The following PCDHGA7 variants were observed in gnomAD, a reference collection of about 807,000 sequenced individuals.
The protein encoded by PCDHGA7 is protocadherin gamma subfamily A, 7, also known as protocadherin gamma-A7.
PCDHGA7 carries 44 observed loss-of-function variants against 58.3 expected under a neutral mutation model. That is an observed-to-expected ratio of 0.75 (90% CI 0.59 to 0.97). The LOEUF (loss-of-function observed/expected upper bound fraction) is 0.97, where lower values mean the gene tolerates loss of function less well. Ranked by LOEUF, PCDHGA7 falls within the 50% of genes least tolerant of loss-of-function variation. The probability of loss-of-function intolerance (pLI) is 0.00; values close to 1 mark genes in which losing one functional copy is unlikely to be tolerated. For missense variants in PCDHGA7, 1,266 were observed against 1,188.7 expected, an observed-to-expected ratio of 1.06 and a Z score of -0.96; for synonymous variants, 516 against 504.2, an observed-to-expected ratio of 1.02 and a Z score of -0.31.
rs781173890 is a variant in PCDHGA7, at chr5:141,476,165, G to T, written c.2425-18642G>T. 5.3e-5 allele frequency: 86 copies of T among 1,613,106 alleles called. No individual in the cohort carries two copies. Among genetic ancestry groups the T allele is most frequent in the Non-Finnish European group, 7.2e-5 (85 of 1,179,976 alleles). On this transcript the variant is annotated intron_variant, in intron 1 of 3. Transcript: ENST00000518325. The surrounding 1 kb of genome is among the most constrained non-coding windows in gnomAD (Gnocchi z 7.6). ...CGGACTGGTAAGCACCGGGAGGGTA[G>T]TGGGAGTTTTGCTTCTGCTTGGTGC...
intron 1 of PCDHGA7, chr5:141,423,184 C>T (rs747938944): frequency 9.3e-6 from 15 of 1,613,442 alleles, no homozygotes; most frequent in Non-Finnish European, 1.2e-5. Context: ...CCACGGCCAG[C>T]CCCCTCTCTC....
At chr5:141,389,673 G>T (rs755380537) in intron 1 of PCDHGA7, 1 of 1,612,426 alleles carries the variant, frequency 6.2e-7, no homozygotes, top group South Asian at 1.1e-5. Context: ...CGCAGACTCA[G>T]GACACAACGC....
rs746913952 is a variant in PCDHGA7, at chr5:141,432,898, G to T, written c.2424+47575G>T. 2.5e-6 allele frequency: 4 copies of T among 1,614,174 alleles called. No individual in the cohort carries two copies. Among genetic ancestry groups the T allele is most frequent in the Admixed American group, 3.3e-5 (2 of 60,034 alleles). ...TGGCCTTCGTCATCTTGCTGCTGGC[G>T]CTCAGGCTGCGGCGCTGGCACAAGT... On this transcript the variant is annotated intron_variant, in intron 1 of 3. Coordinates refer to ENST00000518325, the MANE Select transcript of PCDHGA7 (RefSeq NM_018920.4). The surrounding 1 kb of genome is among the most constrained non-coding windows in gnomAD (Gnocchi z 6.0).
intron 1 of PCDHGA7, chr5:141,395,380 T>C (rs1219736482): frequency 9.0e-7 from 1 of 1,112,054 alleles, no homozygotes; most frequent in African/African-American, 1.6e-5. Context: ...GTGGTGTTAC[T>C]ATAAAATTGA....
At chr5:141,386,183 A>G (rs201653759) in intron 1 of PCDHGA7, among the ~76,000 whole-genome samples, 1 of 152,230 alleles carries the variant, frequency 6.6e-6, no homozygotes, top group East Asian at 1.9e-4. Context: ...CATCTTATGT[A>G]CACAGATCCT....
chr5:141,447,119 A>AT (rs2098526425), intron 1 of PCDHGA7, among the ~76,000 whole-genome samples: 1 of 150,848 alleles, frequency 6.6e-6, no homozygotes, highest in South Asian at 2.1e-4. Flanking sequence ...TGCTCCATGG[A>AT]TTTTTTTGTT....
chr5:141,491,126 G>A lies in PCDHGA7; in HGVS notation c.2425-3681G>A, dbSNP rs768294944. 1.4e-5 allele frequency: 23 copies of A among 1,613,978 alleles called. No individual in the cohort carries two copies. In the East Asian group the frequency reaches 3.1e-4, roughly 22 times the overall value. On this transcript the variant is annotated intron_variant, in intron 1 of 3. Transcript: ENST00000518325. This position sits in a 1 kb window ranked among gnomAD's most constrained non-coding sequence, Gnocchi z 6.9. ...GTGTCTACACACACTGGTGAGGTGCGCACAGCCCGGGCCTTACTGGAGGAT... is the reference window on the plus strand; with the variant it reads ...GTGTCTACACACACTGGTGAGGTGCACACAGCCCGGGCCTTACTGGAGGAT...
chr5:141,450,253 A>G (rs1025385837), intron 1 of PCDHGA7, among the ~76,000 whole-genome samples: 1 of 152,020 alleles, frequency 6.6e-6, no homozygotes, highest in African/African-American at 2.4e-5. Flanking sequence ...CCTGACCTCA[A>G]GTGATCTGCC....
At chr5:141,418,512 G>C (rs776986277) in intron 1 of PCDHGA7, 1 of 1,613,966 alleles carries the variant, frequency 6.2e-7, no homozygotes, top group Non-Finnish European at 8.5e-7. Context: ...TTAGATGGTG[G>C]GGACCCTCCC....
chr5:141,436,287 T>A (rs565612572), intron 1 of PCDHGA7, among the ~76,000 whole-genome samples: 1 of 152,262 alleles, frequency 6.6e-6, no homozygotes, highest in Admixed American at 6.5e-5. Context: ...TAGGAACAAA[T>A]CATTGAGAGT....
chr5:141,398,568 G>C, intron 1 of PCDHGA7: 1 of 1,614,014 alleles, frequency 6.2e-7, no homozygotes, highest in African/African-American at 1.3e-5. Context: ...AGTCTGCACA[G>C]CCTGGCACAA....
chr5:141,384,444 C>T lies in PCDHGA7; in HGVS notation c.1545C>T (p.Tyr515=), dbSNP rs751427123. 2.5e-5 allele frequency: 41 copies of T among 1,613,906 alleles called. No individual in the cohort carries two copies. The Admixed American group carries it at 5.0e-4, about 20-fold the overall frequency. ...TAAACTCTGACACTGGAGTCCTGTA[C>T]GCGCTGCAATCCTTTGATTATGAGC... ...VSINSDTGVL[Y]ALQSFDYEQL... The change falls in exon 1 of 4, where the codon TAC becomes TAT. Residue 515 remains tyrosine, a synonymous_variant. Transcript: ENST00000518325.
In PCDHGA7 at chr5:141,408,459, T is replaced by A; in HGVS notation, c.2424+23136T>A. 5 of 1,613,950 alleles carry A rather than the reference T, an allele frequency of 3.1e-6. No homozygotes were observed. The East Asian group carries it at 1.1e-4, about 36-fold the overall frequency. Reference sequence around the variant, plus strand: ...GACGCGGAGAGCGGGGACTTACTTGTGAAGAACCGAATAGACCGTGAGCAA... The same window carrying A: ...GACGCGGAGAGCGGGGACTTACTTGAGAAGAACCGAATAGACCGTGAGCAA... On this transcript the variant is annotated intron_variant, in intron 1 of 3. Transcript: ENST00000518325.
intron 1 of PCDHGA7, chr5:141,427,865 G>T: frequency 6.4e-7 from 1 of 1,558,148 alleles, no homozygotes; most frequent in Non-Finnish European, 8.8e-7. Context: ...GCGCCTTCGA[G>T]CTCACGATGC....
rs1272694679 is a variant in PCDHGA7, at chr5:141,486,884, C to T, written c.2425-7923C>T. 7 of 1,614,106 alleles carry T rather than the reference C, an allele frequency of 4.3e-6. No individual in the cohort carries two copies. The highest frequency in any genetic ancestry group is 1.1e-5 in the South Asian group (1 of 91,082). ...TCCAGCTGTGCTCCGTCCTCGGGCC[C>T]GGCCTGGTTCCTTATGTCCCCAAGC... On this transcript the variant is annotated intron_variant, in intron 1 of 3. Coordinates refer to ENST00000518325, the MANE Select transcript of PCDHGA7 (RefSeq NM_018920.4). The surrounding 1 kb of genome is among the most constrained non-coding windows in gnomAD (Gnocchi z 5.0).
chr5:141,489,610 C>G lies in PCDHGA7; in HGVS notation c.2425-5197C>G, dbSNP rs142775705. 3,083 of 1,614,088 alleles carry G rather than the reference C, an allele frequency of 1.9e-3. 6 individuals are homozygous for G. Among genetic ancestry groups the G allele is most frequent in the Non-Finnish European group, 2.4e-3 (2,793 of 1,179,988 alleles). ...GCTAATCCGTGTAGAGGTAGAGATC[C>G]TGGATCTCAATGACAACTCTCCTAG... On this transcript the variant is annotated intron_variant, in intron 1 of 3. Transcript: ENST00000518325. The surrounding 1 kb of genome is among the most constrained non-coding windows in gnomAD (Gnocchi z 4.5).
At chr5:141,459,319 T>G (rs1270005431) in intron 1 of PCDHGA7, among the ~76,000 whole-genome samples, 1 of 152,216 alleles carries the variant, frequency 6.6e-6, no homozygotes, top group Non-Finnish European at 1.5e-5. Context: ...TTTGTATCCA[T>G]CTTCTTTTAC....
At chr5:141,443,604 G>A (rs1561911807) in intron 1 of PCDHGA7, among the ~76,000 whole-genome samples, 1 of 152,194 alleles carries the variant, frequency 6.6e-6, no homozygotes, top group Non-Finnish European at 1.5e-5. Context: ...TATATGAAAT[G>A]TTCTTATAAT....
In PCDHGA7 at chr5:141,490,701, C is replaced by T; in HGVS notation, c.2425-4106C>T. On this transcript the variant is annotated intron_variant, in intron 1 of 3. Transcript: ENST00000518325. This position sits in a 1 kb window ranked among gnomAD's most constrained non-coding sequence, Gnocchi z 5.4. Reference sequence around the variant, plus strand: ...CAGATCCAGACACTGGGGATAATGCCCGCCTCACCTACTCCATTGTAGGAA... The same window carrying T: ...CAGATCCAGACACTGGGGATAATGCTCGCCTCACCTACTCCATTGTAGGAA... The T allele has an allele frequency of 6.2e-7, 1 of 1,614,184 alleles. No individual in the cohort carries two copies. The highest frequency in any genetic ancestry group is 8.5e-7 in the Non-Finnish European group (1 of 1,180,008).
Sources: gnomAD v4.1 joint callset for allele counts (sites outside exome capture counted in the v4.1 genomes callset) on GRCh38, gnomAD v4.1.1 for gene constraint, Gnocchi (gnomAD v3.1) non-coding constraint, MANE v1.5 for transcripts, NCBI Gene and HGNC (gene_info 2026-07-23, HGNC 2026-07-21) for gene names.